Variants in DNAI3 observed in about 807,000 individuals in gnomAD.
The protein encoded by DNAI3 is dynein axonemal intermediate chain 3.
DNAI3 carries 83 observed loss-of-function variants against 115.5 expected under a neutral mutation model. The ratio of observed to expected loss-of-function variants is 0.72; its 90% CI spans 0.60 to 0.86. DNAI3 has a LOEUF of 0.86. DNAI3 is among the 40% of genes least tolerant of loss of function. The pLI is 0.00. For synonymous variants in DNAI3, 320 were observed against 347.0 expected (o/e 0.92, Z 0.86); for missense variants, 1,004 against 1,075.8 (o/e 0.93, Z 0.93).
chr1:85,081,209 C>T (rs1654622528), intron 3 of DNAI3, 25 bp from the exon 4 acceptor site: 1 of 1,529,838 alleles, frequency 6.5e-7, no homozygotes, highest in African/African-American at 1.4e-5. Flanking sequence ...TATTTAATGT[C>T]CAAATTCCAC....
Position 85,128,805 on chromosome 1 carries a change from T to C in DNAI3, c.2409+6T>C, listed in dbSNP as rs879614257. The C allele has an allele frequency of 1.2e-5, 20 of 1,605,956 alleles. No individual in the cohort carries two copies. The Admixed American group carries it at 2.9e-4, about 23-fold the overall frequency. ...GTCGCCCTTCCACCAATGAGGTTAG[T>C]AACTAACTTATGACTTTGAGAATTA... On this transcript the variant is annotated splice_donor_region_variant and intron_variant, in intron 21 of 22. Transcript: ENST00000294664.
intron 4 of DNAI3, 28 bp downstream of exon 4, chr1:85,081,443 A>C: frequency 6.6e-7 from 1 of 1,514,144 alleles, no homozygotes; most frequent in South Asian, 1.4e-5. Flanking sequence ...ATTTATTTTC[A>C]GTCCTACCTC....
intron 3 of DNAI3, among the ~76,000 whole-genome samples, chr1:85,080,271 T>C (rs1654597652): frequency 6.6e-6 from 1 of 152,100 alleles, no homozygotes; most frequent in African/African-American, 2.4e-5. Context: ...CAGGATGGTC[T>C]CGATCTCCTG....
intron 1 of DNAI3, among the ~76,000 whole-genome samples, chr1:85,062,758 T>C (rs1653971986): frequency 6.6e-6 from 1 of 152,064 alleles, no homozygotes. Context: ...GACTATCATA[T>C]TGCCTAGTAC....
intron 22 of DNAI3, among the ~76,000 whole-genome samples, chr1:85,131,300 C>T (rs965463853): frequency 4.6e-5 from 7 of 151,724 alleles, no homozygotes; most frequent in Non-Finnish European, 7.4e-5. Flanking sequence ...CAAAATAAGC[C>T]GGGCATGGTG....
At chr1:85,073,142 T>C in intron 3 of DNAI3, 50 bp downstream of exon 3, 1 of 1,354,304 alleles carries the variant, frequency 7.4e-7, no homozygotes, top group Non-Finnish European at 1.0e-6. Context: ...TATAATATTT[T>C]AATAATGCAA....
intron 16 of DNAI3, among the ~76,000 whole-genome samples, chr1:85,114,735 A>G (rs1176542430): frequency 6.6e-6 from 1 of 152,184 alleles, no homozygotes; most frequent in African/African-American, 2.4e-5. Context: ...TCTTGATCAC[A>G]TTTTGATTCT....
chr1:85,124,273 AG>A (rs1266365303), intron 19 of DNAI3, 22 bp downstream of exon 19: 2 of 1,614,134 alleles, frequency 1.2e-6, no homozygotes, highest in Non-Finnish European at 1.7e-6. Flanking sequence ...GCAAAATGGA[AG>A]CATGAGTGTG....
intron 7 of DNAI3, among the ~76,000 whole-genome samples, chr1:85,088,977 A>G (rs1177152761): frequency 6.6e-6 from 1 of 152,162 alleles, no homozygotes; most frequent in Non-Finnish European, 1.5e-5. Context: ...GACCTAAACA[A>G]GGAAAAAAAA....
chr1:85,084,514 T>C, intron 5 of DNAI3, 32 bp from the exon 6 acceptor site: 2 of 1,330,488 alleles, frequency 1.5e-6, no homozygotes, highest in Non-Finnish European at 1.9e-6. Context: ...AACTTGGGCA[T>C]ACATTGTAGA....
chr1:85,085,839 T>C lies in DNAI3; in HGVS notation c.549T>C (p.Tyr183=), dbSNP rs1444981994. The change falls in exon 7 of 23, where the codon TAT becomes TAC. Residue 183 remains tyrosine, a synonymous_variant. Transcript: ENST00000294664. ...GTTTACATGTGTTACAGATTACATA[T>C]ATGATTTCTCGAAAACGAAGTGAAT... The part of the protein sequence containing the change: ...SVTESTKQIT[Y]MISRKRSEFG... The C allele has an allele frequency of 2.5e-6, 4 of 1,613,836 alleles. No individual in the cohort carries two copies. The highest frequency in any genetic ancestry group is 2.2e-5 in the East Asian group (1 of 44,886).
At chr1:85,124,372 A>G in intron 19 of DNAI3, 121 bp downstream of exon 19, 3 of 1,354,666 alleles carry the variant, frequency 2.2e-6, no homozygotes, top group Non-Finnish European at 3.1e-6. Flanking sequence ...AAATTAGAAC[A>G]GATGGCAGGG....
At chr1:85,115,209 A>G (rs1218754989) in intron 16 of DNAI3, among the ~76,000 whole-genome samples, 1 of 152,226 alleles carries the variant, frequency 6.6e-6, no homozygotes, top group Non-Finnish European at 1.5e-5. Context: ...AGGGGAGTAA[A>G]TAATAAAGAG....
intron 1 of DNAI3, among the ~76,000 whole-genome samples, chr1:85,064,229 T>C (rs917060563): frequency 6.6e-6 from 1 of 152,126 alleles, no homozygotes; most frequent in Admixed American, 6.5e-5. Context: ...GGAGGACATG[T>C]TAAAGACCTG....
intron 16 of DNAI3, among the ~76,000 whole-genome samples, chr1:85,113,365 T>C (rs1483248924): frequency 6.6e-6 from 1 of 152,216 alleles, no homozygotes; most frequent in Non-Finnish European, 1.5e-5. Flanking sequence ...CATTTAGGGC[T>C]ATGATTTCTT....
rs1290333925 is a variant in DNAI3 at position 85,066,518 on chromosome 1, G to A, written c.-15+4032G>A. 3.3e-5 allele frequency among the ~76,000 whole-genome samples: 5 copies of A among 151,686 alleles called. No individual in the cohort carries two copies. The East Asian group carries it at 9.7e-4, about 29-fold the overall frequency. ...ATTTTTTTGTATTTTTAATAGAGAC[G>A]GGGGTTTCACTGTGTTAGCCAGGAT... On this transcript the variant is annotated intron_variant, in intron 1 of 22. Transcript: ENST00000294664.
In DNAI3 at chr1:85,124,121, C is replaced by G. The variant is rs199833060; in HGVS notation, c.1982C>G (p.Ser661Ter). The change falls in exon 19 of 23, where the codon TCA (serine) becomes TGA (stop). Residue 661 changes from serine to a stop codon, truncating the protein, a stop_gained and splice_region_variant. Transcript: ENST00000294664. LOFTEE classifies it high-confidence loss of function. ...EKDPETGRLM[S>*]KKPVSHHTIH... is the part of the protein sequence containing the mutation. ...AGATGGTCTTCTTTCACTCCAATAG[C>G]AAAGAAGCCAGTGAGCCACCACACC... is the stretch of plus-strand genomic sequence containing the variant. The G allele has an allele frequency of 1.9e-6, 3 of 1,613,948 alleles. No homozygotes were observed. The highest frequency in any genetic ancestry group is 2.5e-6 in the Non-Finnish European group (3 of 1,180,004).
chr1:85,075,951 T>C (rs1654438543), intron 3 of DNAI3, among the ~76,000 whole-genome samples: 1 of 152,216 alleles, frequency 6.6e-6, no homozygotes, highest in South Asian at 2.1e-4. Context: ...TTAAACAATA[T>C]AAATGTATCA....
chr1:85,125,723 G>A (rs1656117048), intron 19 of DNAI3, among the ~76,000 whole-genome samples: 1 of 152,200 alleles, frequency 6.6e-6, no homozygotes, highest in Non-Finnish European at 1.5e-5. Flanking sequence ...TCTGCGACAT[G>A]CTTTCTTCAC....
Sources: allele counts gnomAD v4.1 joint callset (sites outside exome capture counted in the v4.1 genomes callset), GRCh38; gene constraint gnomAD v4.1.1; transcripts MANE v1.5; gene names NCBI Gene and HGNC (gene_info 2026-07-23, HGNC 2026-07-21).